Variants in SHB observed in about 807,000 individuals in gnomAD.
The protein encoded by SHB is SH2 domain-containing adapter protein B.
In SHB, 20 loss-of-function variants were observed where a neutral mutation model predicts 52.3. The ratio of observed to expected loss-of-function variants is 0.38; its 90% CI spans 0.27 to 0.56. SHB has a LOEUF of 0.56. Among genes scored for constraint, SHB ranks in the 20% least tolerant of loss-of-function variants. The pLI is 0.71. For missense variants in SHB, 825 were observed against 723.3 expected, an observed-to-expected ratio of 1.14 and a Z score of -1.61; for synonymous variants, 397 against 316.5, an observed-to-expected ratio of 1.25 and a Z score of -2.70.
At chr9:37,997,592 CG>C (rs1820961992) in intron 2 of SHB, among the ~76,000 whole-genome samples, 1 of 152,160 alleles carries the variant, frequency 6.6e-6, no homozygotes, top group South Asian at 2.1e-4. Context: ...AATCTCTGGA[CG>C]CCCAGTGTAG....
chr9:38,039,984 T>C (rs1564108283), intron 1 of SHB, among the ~76,000 whole-genome samples: 1 of 152,254 alleles, frequency 6.6e-6, no homozygotes, highest in African/African-American at 2.4e-5. Flanking sequence ...AACTGCATTC[T>C]AGAGCTGCGC....
chr9:38,062,553 G>A (rs1016002945), intron 1 of SHB, among the ~76,000 whole-genome samples: 1 of 152,168 alleles, frequency 6.6e-6, no homozygotes, highest in East Asian at 1.9e-4. Flanking sequence ...ATGTGCTGGA[G>A]GAGGAGAGAC....
chr9:37,957,758 G>C (rs1261091743), intron 3 of SHB, among the ~76,000 whole-genome samples: 3 of 152,246 alleles, frequency 2.0e-5, no homozygotes, highest in Admixed American at 1.3e-4. Flanking sequence ...AAATCAATCT[G>C]CCTATCAGTG....
chr9:38,040,360 G>T (rs913958069), intron 1 of SHB, among the ~76,000 whole-genome samples: 27 of 152,232 alleles, frequency 1.8e-4, no homozygotes, highest in Non-Finnish European at 4.0e-4. Context: ...AGACCACGGT[G>T]GGAAGCTGCC....
At chr9:38,032,177 C>T (rs1383841115) in intron 1 of SHB, among the ~76,000 whole-genome samples, 1 of 152,206 alleles carries the variant, frequency 6.6e-6, no homozygotes, top group African/African-American at 2.4e-5. Context: ...GCCTAGAGAG[C>T]ACCTTCTCTA....
chr9:37,999,635 GACAA>G (rs1313629452), intron 2 of SHB, among the ~76,000 whole-genome samples: 1 of 152,110 alleles, frequency 6.6e-6, no homozygotes, highest in East Asian at 1.9e-4. Flanking sequence ...AGAGACTGGG[GACAA>G]ACAAAGGCAG....
intron 1 of SHB, among the ~76,000 whole-genome samples, chr9:38,055,246 A>G (rs187830138): frequency 7.9e-5 from 12 of 152,314 alleles, no homozygotes; most frequent in African/African-American, 2.6e-4. Flanking sequence ...TTTATTCCCC[A>G]TGAACACTCC....
At chr9:38,015,073 C>G (rs1437292982) in intron 2 of SHB, among the ~76,000 whole-genome samples, 2 of 152,236 alleles carry the variant, frequency 1.3e-5, no homozygotes, top group African/African-American at 4.8e-5. Flanking sequence ...GCCTCCAAAG[C>G]CCAGGCAGCC....
At chr9:38,061,382 A>G (rs1168776725) in intron 1 of SHB, among the ~76,000 whole-genome samples, 1 of 151,756 alleles carries the variant, frequency 6.6e-6, no homozygotes, top group Non-Finnish European at 1.5e-5. Flanking sequence ...TCACAAAGCC[A>G]CAGGGTGTGT....
At chr9:38,035,335 G>A (rs953315313) in intron 1 of SHB, among the ~76,000 whole-genome samples, 5 of 151,702 alleles carry the variant, frequency 3.3e-5, no homozygotes, top group South Asian at 2.1e-4. Flanking sequence ...AAGCAGAAGC[G>A]GGTTGAGCAC....
chr9:38,045,718 G>A (rs1821643476), intron 1 of SHB, among the ~76,000 whole-genome samples: 1 of 152,168 alleles, frequency 6.6e-6, no homozygotes, highest in South Asian at 2.1e-4. Context: ...GCACAACACA[G>A]GTACAATAAA....
intron 1 of SHB, among the ~76,000 whole-genome samples, chr9:38,026,425 C>CGG (rs1173132115): frequency 6.6e-6 from 1 of 152,242 alleles, no homozygotes; most frequent in African/African-American, 2.4e-5. Flanking sequence ...TCTCCCCGAA[C>CGG]GGGACCCATT....
At position 37,928,196 on chromosome 9, in the gene SHB, G is replaced by A. The variant is rs550037108; in HGVS notation, c.1347-8192C>T. ...TCAAGTCAGTGACGGACATGCCAGT[G>A]TGGGTGGGAGCACCACAGCAGGAGG... On this transcript the variant is annotated intron_variant, in intron 5 of 5. Transcript: ENST00000377707. 1.1e-4 allele frequency among the ~76,000 whole-genome samples: 17 copies of A among 152,348 alleles called. No individual in the cohort carries two copies. In the East Asian group the frequency reaches 2.9e-3, roughly 26 times the overall value.
intron 5 of SHB, among the ~76,000 whole-genome samples, chr9:37,927,992 C>T (rs958775722): frequency 3.3e-5 from 5 of 150,934 alleles, no homozygotes; most frequent in African/African-American, 1.2e-4. Flanking sequence ...TTTCTAGGAA[C>T]ATGAAGGCCT....
Position 37,933,021 on chromosome 9 carries a change from C to A in SHB, c.1347-13017G>T, listed in dbSNP as rs140673070. Among the ~76,000 whole-genome samples the A allele has an allele frequency of 1.2e-3, 182 of 152,226 alleles. 1 individual carries two copies. Among genetic ancestry groups the A allele is most frequent in the African/African-American group, 4.1e-3 (171 of 41,534 alleles). On this transcript the variant is annotated intron_variant, in intron 5 of 5. Coordinates refer to ENST00000377707, the MANE Select transcript of SHB (RefSeq NM_003028.3). ...AAAGAAGAAAAAAAATCCAGAGGGGCCTTTTAAAACTGCAAATTAAGACAG... is the reference window on the plus strand; with the variant it reads ...AAAGAAGAAAAAAAATCCAGAGGGGACTTTTAAAACTGCAAATTAAGACAG...
chr9:37,947,212 T>C (rs774599847), intron 5 of SHB, among the ~76,000 whole-genome samples: 18 of 152,212 alleles, frequency 1.2e-4, no homozygotes, highest in Non-Finnish European at 7.3e-5. Flanking sequence ...TACCTATTTC[T>C]TGTTTGTCTT....
Position 38,068,324 on chromosome 9 carries a change from C to T in SHB, c.322G>A (p.Ala108Thr). ...CCGCAGTAGTCCAGGCGGCACATGG[C>T]GCGCAGTTTGCGCAGCGACGAGCCA... ...GPGSSLRKLR[A>T]MCRLDYCGGS... Residue 108 changes from alanine (A) to threonine (T), a missense_variant, in exon 1 of 6, where the codon GCC becomes ACC. Coordinates refer to ENST00000377707, the MANE Select transcript of SHB (RefSeq NM_003028.3). The T allele has an allele frequency of 6.5e-7, 1 of 1,533,318 alleles. No homozygotes were observed. Among genetic ancestry groups the T allele is most frequent in the Non-Finnish European group, 8.7e-7 (1 of 1,145,352 alleles). The allele number at this position is 1,533,318 out of a possible 1,614,324, so 95.0% of individuals were successfully genotyped here.
chr9:37,974,723 G>A lies in SHB; in HGVS notation c.953C>T (p.Pro318Leu), dbSNP rs1192851952. 6.2e-7 allele frequency: 1 copy of A among 1,613,952 alleles called. No homozygotes were observed. Among genetic ancestry groups the A allele is most frequent in the Non-Finnish European group, 8.5e-7 (1 of 1,180,004 alleles). ...GGGCAGCTTGCTCTCCCGCAGTCGG[G>A]GGCTGACTGTGCTCTCCGAGTCTGA... ...VDSDSESTVSPRLRESKLPQD... is the reference protein window; with the variant it reads ...VDSDSESTVSLRLRESKLPQD... The change falls in exon 3 of 6, where the codon CCC (proline) becomes CTC (leucine). Residue 318 changes from proline (P) to leucine (L), a missense_variant. Transcript: ENST00000377707.
At chr9:37,984,628 C>T (rs1232065112) in intron 2 of SHB, among the ~76,000 whole-genome samples, 1 of 152,058 alleles carries the variant, frequency 6.6e-6, no homozygotes, top group African/African-American at 2.4e-5. Context: ...GGGGCCAGGG[C>T]GTCTATTGCA....
Sources: allele counts gnomAD v4.1 joint callset (sites outside exome capture counted in the v4.1 genomes callset), GRCh38; gene constraint gnomAD v4.1.1; transcripts MANE v1.5; gene names NCBI Gene and HGNC (gene_info 2026-07-23, HGNC 2026-07-21).